PAK1: variants seen among roughly 807,000 people sequenced by gnomAD.
PAK1 encodes the protein serine/threonine-protein kinase PAK 1.
PAK1 carries 29 observed loss-of-function variants against 67.4 expected under a neutral mutation model. The observed-to-expected ratio is 0.43, with a 90% confidence interval of 0.32 to 0.59. PAK1 has a LOEUF of 0.59. Ranked by LOEUF, PAK1 falls within the 20% of genes least tolerant of loss-of-function variation. The pLI, the probability that PAK1 is intolerant of heterozygous loss-of-function variation, is 0.07. For missense variants in PAK1, 337 were observed against 670.7 expected (o/e 0.50, Z 5.50); for synonymous variants, 223 against 237.4 (o/e 0.94, Z 0.56).
intron 10 of PAK1, among the ~76,000 whole-genome samples, chr11:77,341,770 A>G (rs1300465869): frequency 6.6e-6 from 1 of 152,230 alleles, no homozygotes; most frequent in Non-Finnish European, 1.5e-5. Flanking sequence ...TGATATTGGG[A>G]ATACTGCTGG....
intron 14 of PAK1, among the ~76,000 whole-genome samples, chr11:77,327,326 T>A (rs879236013): frequency 2.0e-5 from 3 of 151,914 alleles, no homozygotes; most frequent in African/African-American, 7.3e-5. Flanking sequence ...CCAAGACACA[T>A]AATTGTCAGA....
At chr11:77,478,461 A>G (rs1193373836), upstream of PAK1, among the ~76,000 whole-genome samples, 1 of 152,082 alleles carries the variant, frequency 6.6e-6, no homozygotes, top group African/African-American at 2.4e-5. Flanking sequence ...ATTCTTTTCA[A>G]TGAAGAATAG....
chr11:77,523,324 A>T, the PAK1 span, among the ~76,000 whole-genome samples: 2 of 152,270 alleles, frequency 1.3e-5, no homozygotes, highest in African/African-American at 4.8e-5. Context: ...GGTCAAGGAG[A>T]GGGAAGGATA....
At chr11:77,361,648 C>T (rs1211253688) in intron 5 of PAK1, among the ~76,000 whole-genome samples, 2 of 151,902 alleles carry the variant, frequency 1.3e-5, no homozygotes, top group East Asian at 1.9e-4. Context: ...CAATAAAATA[C>T]AAATTCCTAT....
intron 1 of PAK1, among the ~76,000 whole-genome samples, chr11:77,441,198 C>A (rs73494593): frequency 0.05 from 7,628 of 151,126 alleles, 690 homozygotes; most frequent in African/African-American, 0.18. Flanking sequence ...TCTCCAAATA[C>A]CGTCTTAAAA....
intron 1 of PAK1, among the ~76,000 whole-genome samples, chr11:77,470,249 T>G (rs1957787045): frequency 6.6e-6 from 1 of 152,218 alleles, no homozygotes; most frequent in Admixed American, 6.5e-5. Context: ...TAAAATTTTT[T>G]AAAAGTCTGC....
At chr11:77,327,717 C>T (rs1177882673) in intron 14 of PAK1, among the ~76,000 whole-genome samples, 1 of 152,218 alleles carries the variant, frequency 6.6e-6, no homozygotes, top group Non-Finnish European at 1.5e-5. Flanking sequence ...TAGGAAGAAA[C>T]TGCACCAACT....
intron 1 of PAK1, among the ~76,000 whole-genome samples, chr11:77,466,537 A>G (rs1957604584): frequency 6.6e-6 from 1 of 151,720 alleles, no homozygotes; most frequent in Non-Finnish European, 1.5e-5. Context: ...CGGGAGGCAG[A>G]GCTTGCGGTG....
the PAK1 span, among the ~76,000 whole-genome samples, chr11:77,510,421 G>A: frequency 3.9e-5 from 6 of 152,230 alleles, no homozygotes; most frequent in Admixed American, 6.5e-5. Flanking sequence ...AGTAGAGACG[G>A]GGTTTCACCA....
intron 1 of PAK1, among the ~76,000 whole-genome samples, chr11:77,450,455 C>G (rs1236587280): frequency 2.0e-5 from 3 of 152,138 alleles, no homozygotes; most frequent in Non-Finnish European, 2.9e-5. Context: ...GGCAGCAGAG[C>G]AAGGCCTAAA....
rs184471304 is a variant in PAK1, at chr11:77,435,077, C to T, written c.-22+38475G>A. Among the ~76,000 whole-genome samples the T allele has an allele frequency of 9.8e-4, 128 of 130,490 alleles. 1 individual carries two copies. The highest frequency in any genetic ancestry group is 3.7e-3 in the African/African-American group (125 of 33,674). The allele number at this position is 130,490 out of a possible 152,430, so 85.6% of individuals were successfully genotyped here. ...CTATGCCCAGCCAAGACAAAATATT[C>T]TAAAACTAGATTGTAGTACTTGTAC... On this transcript the variant is annotated intron_variant, in intron 1 of 14. Transcript: ENST00000356341.
chr11:77,347,494 C>A (rs73501430), intron 9 of PAK1, among the ~76,000 whole-genome samples: 4,372 of 152,306 alleles, frequency 0.029, 198 homozygotes, highest in African/African-American at 0.098. Flanking sequence ...TCATAGAGTT[C>A]TTTTCAGGAT....
At chr11:77,353,480 G>T in intron 8 of PAK1, 56 bp downstream of exon 8, 1 of 1,266,978 alleles carries the variant, frequency 7.9e-7, no homozygotes. Context: ...AATCATATAT[G>T]CCGGCACACA....
intron 1 of PAK1, among the ~76,000 whole-genome samples, chr11:77,430,218 A>G (rs1209009919): frequency 3.9e-5 from 6 of 152,204 alleles, no homozygotes; most frequent in Non-Finnish European, 1.5e-5. Context: ...GGTTATAGAA[A>G]AAAAAAAGAA....
intron 8 of PAK1, among the ~76,000 whole-genome samples, chr11:77,352,746 T>C (rs368943416): frequency 9.2e-5 from 14 of 152,242 alleles, no homozygotes; most frequent in African/African-American, 2.4e-4. Context: ...ACAACCACCA[T>C]TGTGTTATAA....
At chr11:77,506,489 G>A in the PAK1 span, among the ~76,000 whole-genome samples, 4 of 152,116 alleles carry the variant, frequency 2.6e-5, no homozygotes, top group African/African-American at 9.7e-5. Flanking sequence ...TAGCTGGCAG[G>A]CCCACTGGAC....
At chr11:77,377,018 C>T (rs1271199591) in intron 4 of PAK1, among the ~76,000 whole-genome samples, 2 of 152,122 alleles carry the variant, frequency 1.3e-5, no homozygotes, top group African/African-American at 2.4e-5. Flanking sequence ...GTGGCTCACA[C>T]CAGTAATCCC....
chr11:77,346,317 C>G (rs986887947), intron 9 of PAK1, among the ~76,000 whole-genome samples: 5 of 152,128 alleles, frequency 3.3e-5, no homozygotes, highest in Non-Finnish European at 5.9e-5. Context: ...GGCTAAGTGT[C>G]CTTCACCTAA....
At chr11:77,353,724 G>A in intron 7 of PAK1, 125 bp from the exon 8 acceptor site, 2 of 711,250 alleles carry the variant, frequency 2.8e-6, no homozygotes, top group Non-Finnish European at 5.0e-6. Flanking sequence ...CAAAAAGCAT[G>A]CTAAACAGGC....
Sources: allele counts gnomAD v4.1 joint callset (sites outside exome capture counted in the v4.1 genomes callset), GRCh38; gene constraint gnomAD v4.1.1; transcripts MANE v1.5; gene names NCBI Gene and HGNC (gene_info 2026-07-23, HGNC 2026-07-21).